KAZN: variants seen among roughly 807,000 people sequenced by gnomAD.
KAZN encodes the protein kazrin.
A neutral mutation model predicts 87.4 loss-of-function variants in KAZN; 40 were observed. The ratio of observed to expected loss-of-function variants is 0.46; its 90% CI spans 0.36 to 0.60. The LOEUF is 0.60. Among genes scored for constraint, KAZN ranks in the 20% least tolerant of loss-of-function variants. The pLI is 0.00. For missense variants in KAZN, 898 were observed against 1,073.9 expected (o/e 0.84, Z 2.29); for synonymous variants, 466 against 458.3 (o/e 1.02, Z -0.22).
intron 2 of KAZN, among the ~76,000 whole-genome samples, chr1:14,346,114 A>G (rs998730001): frequency 1.6e-4 from 24 of 152,202 alleles, no homozygotes; most frequent in Admixed American, 1.6e-3. Flanking sequence ...GCCACACATC[A>G]GGCATTCATC....
chr1:15,001,976 G>A, intron 2 of KAZN, among the ~76,000 whole-genome samples: 1 of 145,310 alleles, frequency 6.9e-6, no homozygotes, highest in East Asian at 2.0e-4. Context: ...CGCCTCCTGG[G>A]TTCACGCCAT....
chr1:14,914,871 T>TTACATAGTACTGGTACC (rs1368909233), intron 1 of KAZN, among the ~76,000 whole-genome samples: 1 of 152,242 alleles, frequency 6.6e-6, no homozygotes, highest in Non-Finnish European at 1.5e-5. Flanking sequence ...GTACTGGTAC[T>TTACATAGTACTGGTACC]TACATAGTAC....
At chr1:13,973,582 G>T (rs1000731403) in intron 1 of KAZN, among the ~76,000 whole-genome samples, 2 of 152,218 alleles carry the variant, frequency 1.3e-5, no homozygotes, top group Non-Finnish European at 2.9e-5. Flanking sequence ...GGCCTACGGT[G>T]TTACCAGCTT....
rs1353341046 is a variant in KAZN at position 14,599,880 on chromosome 1, T to C, written c.226+657T>C. Among the ~76,000 whole-genome samples the C allele has an allele frequency of 1.3e-5, 2 of 150,440 alleles. No homozygotes were observed. The highest frequency in any genetic ancestry group is 3.0e-5 in the Non-Finnish European group (2 of 67,784). On this transcript the variant is annotated intron_variant, in intron 1 of 14. Coordinates refer to ENST00000376030, the MANE Select transcript of KAZN (RefSeq NM_201628.3). The surrounding 1 kb of genome is among the most constrained non-coding windows in gnomAD (Gnocchi z 4.4). ...ACTGTAGACCTCAAAGGTTGAGCGG[T>C]AGAGAAATGAAGGCTTAGGGTGGTG...
At chr1:13,901,825 C>T (rs1639261518) in intron 1 of KAZN, among the ~76,000 whole-genome samples, 1 of 152,254 alleles carries the variant, frequency 6.6e-6, no homozygotes, top group South Asian at 2.1e-4. Context: ...CTGTCAGCTT[C>T]TTGCATCCTT....
At chr1:14,723,619 C>G (rs756912255) in intron 1 of KAZN, among the ~76,000 whole-genome samples, 1 of 152,228 alleles carries the variant, frequency 6.6e-6, no homozygotes, top group Non-Finnish European at 1.5e-5. Flanking sequence ...GTCCATCTGC[C>G]GGGCTCAGCA....
chr1:14,463,534 C>T (rs1329827822), intron 2 of KAZN, among the ~76,000 whole-genome samples: 2 of 152,156 alleles, frequency 1.3e-5, no homozygotes, highest in Non-Finnish European at 2.9e-5. Flanking sequence ...ACAGTAAGCA[C>T]TCAATAAATG....
intron 1 of KAZN, among the ~76,000 whole-genome samples, chr1:14,823,267 C>G (rs1646788437): frequency 6.6e-6 from 1 of 152,214 alleles, no homozygotes; most frequent in African/African-American, 2.4e-5. Context: ...TGAACCGAGA[C>G]GTCCCCGTGA....
chr1:14,960,938 T>C, intron 2 of KAZN, 63 bp downstream of exon 2: 1 of 1,507,510 alleles, frequency 6.6e-7, no homozygotes, highest in Non-Finnish European at 8.9e-7. Context: ...TCTGGAGTCC[T>C]CCCCATGCAG....
In KAZN at chr1:15,104,120, TC is replaced by T; in HGVS notation, c.1983del (p.Ser662ValfsTer14). 6.2e-7 allele frequency: 1 copy of T among 1,610,612 alleles called. No homozygotes were observed. The highest frequency in any genetic ancestry group is 8.5e-7 in the Non-Finnish European group (1 of 1,178,676). On this transcript the variant is annotated frameshift_variant, in exon 13 of 15. Transcript: ENST00000376030. LOFTEE classifies it high-confidence loss of function. ...GAGGCCATGGCCACTGCCCTGGGCATCCCCAGTGGGAAGCACATCCTCCGGA... is the reference window on the plus strand; with the variant it reads ...GAGGCCATGGCCACTGCCCTGGGCATCCCAGTGGGAAGCACATCCTCCGGA... ...NAEAMATALG[I>X]PSGKHILRRH...
chr1:14,335,112 C>CG lies in KAZN; in HGVS notation c.249+154520_249+154521insG, dbSNP rs200752509. ...CCCTCATGAATGACTCGGTGCCCCC[C>CG]CCCCACCACCCCAGTGGTGATGAAT... On this transcript the variant is annotated intron_variant, in intron 2 of 16. Coordinates refer to the KAZN transcript ENST00000636203. Among the ~76,000 whole-genome samples, 727 of 151,356 alleles carry CG rather than the reference C, an allele frequency of 4.8e-3. 24 individuals are homozygous for CG. Among genetic ancestry groups the CG allele is most frequent in the Admixed American group, 0.038 (584 of 15,178 alleles).
At chr1:14,327,149 A>T (rs1571311144) in intron 2 of KAZN, among the ~76,000 whole-genome samples, 1 of 152,340 alleles carries the variant, frequency 6.6e-6, no homozygotes, top group East Asian at 1.9e-4. Flanking sequence ...TTACTTATTT[A>T]AAAAGATAAA....
intron 1 of KAZN, among the ~76,000 whole-genome samples, chr1:14,852,806 C>T (rs76136453): frequency 1.3e-5 from 2 of 152,286 alleles, no homozygotes; most frequent in African/African-American, 4.8e-5. Flanking sequence ...TGTGTCCTTG[C>T]GTGCCAGGCT....
intron 8 of KAZN, chr1:15,067,174 A>G (rs1639280215): frequency 9.1e-6 from 9 of 985,468 alleles, no homozygotes; most frequent in Non-Finnish European, 1.1e-5. Context: ...GGAGGCACCC[A>G]CTTCAAAAGG....
chr1:14,427,938 T>C (rs1354002390), intron 2 of KAZN, among the ~76,000 whole-genome samples: 2 of 152,226 alleles, frequency 1.3e-5, no homozygotes, highest in African/African-American at 2.4e-5. Flanking sequence ...CCAGTATGGA[T>C]TTCTTTCAGG....
chr1:14,886,214 G>A (rs375958522), intron 1 of KAZN, among the ~76,000 whole-genome samples: 2 of 152,100 alleles, frequency 1.3e-5, no homozygotes, highest in East Asian at 3.9e-4. Context: ...TTGAGGCCAG[G>A]AGTTCGGGAC....
At chr1:13,923,332 G>A (rs1222068599) in intron 1 of KAZN, among the ~76,000 whole-genome samples, 1 of 152,072 alleles carries the variant, frequency 6.6e-6, no homozygotes, top group Non-Finnish European at 1.5e-5. Flanking sequence ...CCAGCACTTT[G>A]GGAGGCTGAG....
At chr1:15,011,607 T>C (rs1339823696) in intron 2 of KAZN, among the ~76,000 whole-genome samples, 1 of 152,190 alleles carries the variant, frequency 6.6e-6, no homozygotes, top group Non-Finnish European at 1.5e-5. Context: ...TGCTAAAGAC[T>C]TGAAGTGTTT....
At position 14,769,415 on chromosome 1, in the gene KAZN, C is replaced by T. The variant is rs751558147; in HGVS notation, c.226+170192C>T. 3.0e-4 allele frequency among the ~76,000 whole-genome samples: 45 copies of T among 152,074 alleles called. No homozygotes were observed. Among genetic ancestry groups the T allele is most frequent in the Non-Finnish European group, 6.0e-4 (41 of 68,030 alleles). On this transcript the variant is annotated intron_variant, in intron 1 of 14. Coordinates refer to ENST00000376030, the MANE Select transcript of KAZN (RefSeq NM_201628.3). This position sits in a 1 kb window ranked among gnomAD's most constrained non-coding sequence, Gnocchi z 4.1. Reference sequence around the variant, plus strand: ...CGTTGCCCAGGCTGGAGTGCGACGGCGCTATCTTGGCTCACTGCAACCTCT... The same window carrying T: ...CGTTGCCCAGGCTGGAGTGCGACGGTGCTATCTTGGCTCACTGCAACCTCT...
Sources: gnomAD v4.1 joint callset for allele counts (sites outside exome capture counted in the v4.1 genomes callset) on GRCh38, gnomAD v4.1.1 for gene constraint, Gnocchi (gnomAD v3.1) non-coding constraint, MANE v1.5 for transcripts, NCBI Gene and HGNC (gene_info 2026-07-23, HGNC 2026-07-21) for gene names.